The following BMPR2 variants were observed in gnomAD, a reference collection of about 807,000 sequenced individuals.
The protein encoded by BMPR2 is bone morphogenetic protein receptor type-2.
Under a neutral mutation model 100.8 loss-of-function variants are expected in BMPR2, and 29 were observed. That is an observed-to-expected ratio of 0.29 (90% CI 0.21 to 0.39). The LOEUF (loss-of-function observed/expected upper bound fraction) is 0.39. Ranked by LOEUF, BMPR2 falls within the 10% of genes least tolerant of loss-of-function variation. The pLI is 1.00. For synonymous variants in BMPR2, 382 were observed against 442.3 expected, an observed-to-expected ratio of 0.86 and a Z score of 1.71; for missense variants, 1,011 against 1,274.5, an observed-to-expected ratio of 0.79 and a Z score of 3.15.
At chr2:202,496,992 C>G (rs1259147838) in intron 3 of BMPR2, among the ~76,000 whole-genome samples, 1 of 152,250 alleles carries the variant, frequency 6.6e-6, no homozygotes, top group Non-Finnish European at 1.5e-5. Context: ...CTTGGCGGGC[C>G]CCGCACTCGG....
intron 7 of BMPR2, among the ~76,000 whole-genome samples, chr2:202,530,176 A>G (rs979042636): frequency 4.6e-5 from 7 of 152,194 alleles, no homozygotes; most frequent in Admixed American, 3.9e-4. Flanking sequence ...GAAGGAGCAT[A>G]ATACTACTTT....
In BMPR2 at chr2:202,521,569, A is replaced by G. The variant is rs117319946; in HGVS notation, c.967+1368A>G. Among the ~76,000 whole-genome samples, 193 of 152,162 alleles carry G rather than the reference A, an allele frequency of 1.3e-3. 2 individuals carry two copies. In the East Asian group the frequency reaches 0.035, roughly 28 times the overall value. ...CTGACAGCTAGACTGTCTCAGAAAAAAAAAAAAAGCAAATGTGAACTGGAA... is the reference window on the plus strand; with the variant it reads ...CTGACAGCTAGACTGTCTCAGAAAAGAAAAAAAAGCAAATGTGAACTGGAA... On this transcript the variant is annotated intron_variant, in intron 7 of 12. Coordinates refer to ENST00000374580, the MANE Select transcript of BMPR2 (RefSeq NM_001204.7).
At chr2:202,524,788 T>A (rs1394987725) in intron 7 of BMPR2, among the ~76,000 whole-genome samples, 2 of 151,962 alleles carry the variant, frequency 1.3e-5, no homozygotes, top group Non-Finnish European at 2.9e-5. Context: ...ATCGCAACAC[T>A]TTGGGAGGCC....
chr2:202,405,814 TGTC>T (rs1559028213), intron 1 of BMPR2, among the ~76,000 whole-genome samples: 1 of 152,092 alleles, frequency 6.6e-6, no homozygotes, highest in Non-Finnish European at 1.5e-5. Flanking sequence ...TATCATCTAA[TGTC>T]AGTCTAAGCA....
chr2:202,508,034 G>A (rs576165852), intron 3 of BMPR2, among the ~76,000 whole-genome samples: 4 of 149,580 alleles, frequency 2.7e-5, no homozygotes, highest in Admixed American at 1.3e-4. Flanking sequence ...GATATGATAA[G>A]TCATTTTATC....
intron 1 of BMPR2, among the ~76,000 whole-genome samples, chr2:202,443,505 C>G (rs1691788358): frequency 1.3e-5 from 2 of 150,132 alleles, no homozygotes; most frequent in Non-Finnish European, 2.9e-5. Context: ...CTCTCTTTCT[C>G]TCTCTCTCTT....
chr2:202,498,725 C>T (rs1266314143), intron 3 of BMPR2, among the ~76,000 whole-genome samples: 1 of 152,120 alleles, frequency 6.6e-6, no homozygotes, highest in Non-Finnish European at 1.5e-5. Flanking sequence ...AAAGAGGCGG[C>T]TCATTTTTTT....
chr2:202,492,586 G>A (rs1692924824), intron 3 of BMPR2, among the ~76,000 whole-genome samples: 1 of 151,320 alleles, frequency 6.6e-6, no homozygotes, highest in South Asian at 2.1e-4. Flanking sequence ...TCTAATCCCA[G>A]CTACTTGGGA....
intron 3 of BMPR2, among the ~76,000 whole-genome samples, chr2:202,510,782 G>C (rs1370101783): frequency 1.3e-5 from 2 of 151,962 alleles, no homozygotes; most frequent in Non-Finnish European, 2.9e-5. Context: ...CTGGGTTCAA[G>C]TGATTCTCCT....
rs538734172 is a variant in BMPR2, at chr2:202,549,567, G to T, written c.1414-3149G>T. Among the ~76,000 whole-genome samples, 36 of 152,176 alleles carry T rather than the reference G, an allele frequency of 2.4e-4. No individual in the cohort carries two copies. In the East Asian group the frequency reaches 6.7e-3, roughly 29 times the overall value. On this transcript the variant is annotated intron_variant, in intron 10 of 12. Coordinates refer to ENST00000374580, the MANE Select transcript of BMPR2 (RefSeq NM_001204.7). Reference sequence around the variant, plus strand: ...AGTTCAAGACCAGCCTGGCCAACATGGTGAAACCCCATCTCTACTAAAAAT... The same window carrying T: ...AGTTCAAGACCAGCCTGGCCAACATTGTGAAACCCCATCTCTACTAAAAAT...
intron 1 of BMPR2, among the ~76,000 whole-genome samples, chr2:202,450,420 G>A (rs1388034774): frequency 2.0e-5 from 3 of 152,122 alleles, no homozygotes; most frequent in Non-Finnish European, 4.4e-5. Context: ...GGCTGGGCGA[G>A]GTGGCTCATG....
intron 1 of BMPR2, among the ~76,000 whole-genome samples, chr2:202,431,567 A>T (rs1201861245): frequency 6.6e-6 from 1 of 150,628 alleles, no homozygotes; most frequent in Admixed American, 6.6e-5. Flanking sequence ...TGAATATATG[A>T]TGGTGGTTTG....
intron 3 of BMPR2, among the ~76,000 whole-genome samples, chr2:202,497,890 C>T (rs1436312224): frequency 1.3e-5 from 2 of 152,080 alleles, no homozygotes; most frequent in East Asian, 1.9e-4. Context: ...ATCAGAAAGA[C>T]ATAATTTTTG....
intron 1 of BMPR2, among the ~76,000 whole-genome samples, chr2:202,380,928 G>T (rs1456240735): frequency 2.6e-5 from 3 of 115,336 alleles, no homozygotes; most frequent in Non-Finnish European, 6.0e-5. Context: ...CCTGGCCCTG[G>T]CCCTGGCCCT....
intron 10 of BMPR2, among the ~76,000 whole-genome samples, chr2:202,548,329 G>A (rs1222760524): frequency 6.6e-6 from 1 of 152,048 alleles, no homozygotes; most frequent in East Asian, 1.9e-4. Flanking sequence ...GTGCACACTT[G>A]TAGTCTAAGC....
At chr2:202,505,284 G>A (rs1444183661) in intron 3 of BMPR2, 1 of 150,768 alleles carries the variant, frequency 6.6e-6, no homozygotes, top group Non-Finnish European at 1.5e-5. Flanking sequence ...TCGCAAATAG[G>A]TCTGTAATTC....
At chr2:202,445,860 C>T (rs1291318672) in intron 1 of BMPR2, among the ~76,000 whole-genome samples, 8 of 147,694 alleles carry the variant, frequency 5.4e-5, no homozygotes, top group South Asian at 2.1e-4. Context: ...CTGCAACTTC[C>T]GCCTCCTAGG....
Position 202,514,939 on chromosome 2 carries a change from C to T in BMPR2, c.581C>T (p.Ser194Phe), listed in dbSNP as rs749726811. Reference protein sequence around the residue: ...HSMNMMEAAASEPSLDLDNLK... With the variant: ...HSMNMMEAAAFEPSLDLDNLK... ...ATGAACATGATGGAGGCAGCAGCATCCGAACCCTCTCTTGATCTAGATAAT... is the reference window on the plus strand; with the variant it reads ...ATGAACATGATGGAGGCAGCAGCATTCGAACCCTCTCTTGATCTAGATAAT... The change falls in exon 5 of 13, where the codon TCC becomes TTC. Residue 194 changes from serine to phenylalanine, a missense_variant. Physicochemically the swap from Ser to Phe is radical, Grantham distance 155 (BLOSUM62 -2). This residue lies in a region of BMPR2 where 355 missense variants were observed against 455.3 expected (regional missense o/e 0.78). Coordinates refer to ENST00000374580, the MANE Select transcript of BMPR2 (RefSeq NM_001204.7). 6.2e-7 allele frequency: 1 copy of T among 1,614,118 alleles called. No individual in the cohort carries two copies. Among genetic ancestry groups the T allele is most frequent in the Admixed American group, 1.7e-5 (1 of 60,014 alleles).
rs1553513882 is a variant in BMPR2 at position 202,565,939 on chromosome 2, CTA to C, written c.*5995_*5996del. ...TATTAAAACTAGGCTCAAAATAAAT[CTA>C]TCGTATCTTTAAAAGTCCAATTCTG... On this transcript the variant is annotated 3_prime_UTR_variant, in exon 13 of 13. Transcript: ENST00000374580. The C allele has an allele frequency of 6.6e-6, 1 of 152,128 alleles. No individual in the cohort carries two copies. The highest frequency in any genetic ancestry group is 1.5e-5 in the Non-Finnish European group (1 of 67,988). 9.4% of individuals were successfully genotyped at this position (152,128 alleles called of 1,614,324 possible). A position where few individuals can be genotyped will look rare whatever the true frequency, so the allele number is the denominator to read the frequency against.
Sources: allele counts gnomAD v4.1 joint callset (sites outside exome capture counted in the v4.1 genomes callset), GRCh38; gene constraint gnomAD v4.1.1; regional missense constraint gnomAD v4.1.1; transcripts MANE v1.5; gene names NCBI Gene and HGNC (gene_info 2026-07-23, HGNC 2026-07-21).